Variants in HPS5 observed in about 807,000 individuals in gnomAD.
The protein encoded by HPS5 is HPS5 biogenesis of lysosomal organelles complex 2 subunit 2.
Under a neutral mutation model 128.0 loss-of-function variants are expected in HPS5, and 83 were observed. That is an observed-to-expected ratio of 0.65 (90% confidence interval 0.54 to 0.78). HPS5 has a LOEUF of 0.78. Among genes scored for constraint, HPS5 ranks in the 30% least tolerant of loss-of-function variants. The probability of loss-of-function intolerance (pLI) is 0.00; values close to 1 mark genes in which losing one functional copy is unlikely to be tolerated. For synonymous variants in HPS5, 475 were observed against 470.2 expected, an observed-to-expected ratio of 1.01 and a Z score of -0.13; for missense variants, 1,281 against 1,326.2, an observed-to-expected ratio of 0.97 and a Z score of 0.53.
At chr11:18,290,064 A>G (rs1173275900) in intron 16 of HPS5, among the ~76,000 whole-genome samples, 1 of 152,218 alleles carries the variant, frequency 6.6e-6, no homozygotes, top group African/African-American at 2.4e-5. Context: ...ATCAATGGAA[A>G]TGTACACAGA....
chr11:18,320,552 GCTGAAGGGAA>G (rs1864201875), intron 1 of HPS5, among the ~76,000 whole-genome samples: 1 of 152,218 alleles, frequency 6.6e-6, no homozygotes, highest in Non-Finnish European at 1.5e-5. Context: ...AGCTTCTACA[GCTGAAGGGAA>G]CAAGCTGTCT....
intron 1 of HPS5, 89 bp from the exon 2 acceptor site, chr11:18,317,996 T>C (rs1022916773): frequency 1.4e-5 from 13 of 960,846 alleles, no homozygotes; most frequent in Non-Finnish European, 2.1e-5. Context: ...TAGAGAAACA[T>C]GAGAAAGTCC....
intron 1 of HPS5, among the ~76,000 whole-genome samples, chr11:18,320,914 T>C (rs1864240060): frequency 1.3e-5 from 2 of 152,152 alleles, no homozygotes; most frequent in Non-Finnish European, 1.5e-5. Context: ...CCCAAAGAAA[T>C]TGTTTACATA....
intron 19 of HPS5, among the ~76,000 whole-genome samples, 178 bp from the exon 20 acceptor site, chr11:18,285,637 T>C (rs1859610449): frequency 6.6e-6 from 1 of 152,258 alleles, no homozygotes; most frequent in Non-Finnish European, 1.5e-5. Flanking sequence ...CTGTTTATTT[T>C]TAAAGATTAG....
rs544194045 is a variant in HPS5 at position 18,291,976 on chromosome 11, G to A, written c.1906C>T (p.Leu636=). Residue 636 remains leucine, a synonymous_variant, in exon 16 of 23, where the codon CTG becomes TTG. Transcript: ENST00000349215. ...AGCCACTCCTGTAAAACCATTCTCA[G>A]AGACTCGGATTCAAATAAAACCAGA... ...DPLVLFESES[L]RMVLQEWLSH... is the part of the protein sequence containing the mutation. 1.9e-5 allele frequency: 31 copies of A among 1,613,594 alleles called. No homozygotes were observed. In the East Asian group the frequency reaches 4.5e-4, roughly 23 times the overall value.
intron 16 of HPS5, among the ~76,000 whole-genome samples, chr11:18,288,672 G>A (rs1860027866): frequency 6.6e-6 from 1 of 152,072 alleles, no homozygotes; most frequent in African/African-American, 2.4e-5. Context: ...TTTAGAAACA[G>A]GGTCTCATTC....
intron 20 of HPS5, among the ~76,000 whole-genome samples, chr11:18,284,739 A>G (rs569416301): frequency 2.6e-5 from 4 of 152,360 alleles, no homozygotes; most frequent in African/African-American, 9.6e-5. Context: ...AGAAAGACAC[A>G]AGTTGCTATC....
chr11:18,280,721 A>G (rs1201227553), intron 22 of HPS5: 5 of 550,692 alleles, frequency 9.1e-6, no homozygotes, highest in Non-Finnish European at 1.6e-5. Flanking sequence ...TAGAAAGGAA[A>G]TCCTGACACA....
intron 8 of HPS5, among the ~76,000 whole-genome samples, chr11:18,303,928 AT>A (rs1862046507): frequency 1.3e-5 from 2 of 152,178 alleles, no homozygotes; most frequent in Non-Finnish European, 2.9e-5. Flanking sequence ...ACAAATATTT[AT>A]TAAGTATCTA....
At chr11:18,291,325 G>C in intron 16 of HPS5, 117 bp downstream of exon 16, 4 of 657,836 alleles carry the variant, frequency 6.1e-6, no homozygotes, top group South Asian at 5.9e-5. Flanking sequence ...AGAATAAAGG[G>C]TTGACCAGAA....
intron 16 of HPS5, among the ~76,000 whole-genome samples, chr11:18,289,911 G>A (rs1349329595): frequency 6.6e-6 from 1 of 152,214 alleles, no homozygotes; most frequent in Non-Finnish European, 1.5e-5. Flanking sequence ...CTTCCGCCAA[G>A]GTAGATACTG....
In HPS5 at chr11:18,285,436, C is replaced by A; in HGVS notation, c.2861G>T (p.Trp954Leu). 1 of 1,612,388 alleles carries A rather than the reference C, an allele frequency of 6.2e-7. No homozygotes were observed. The highest frequency in any genetic ancestry group is 8.5e-7 in the Non-Finnish European group (1 of 1,178,652). ...YPRPHSHLLS[W>L]GYSQLILHLI... ...ATGAAGGATCAGCTGACTGTAACCC[C>A]AGGAAAGCAAGTGTGAATGAGGCCT... The change falls in exon 20 of 23, where the codon TGG (tryptophan) becomes TTG (leucine). Residue 954 changes from tryptophan (W) to leucine (L), a missense_variant. By Grantham distance (61) the Trp-to-Leu change is moderately conservative. Transcript: ENST00000349215.
At chr11:18,319,888 GGACTGAA>G (rs1864112844) in intron 1 of HPS5, among the ~76,000 whole-genome samples, 1 of 152,018 alleles carries the variant, frequency 6.6e-6, no homozygotes, top group South Asian at 2.1e-4. Flanking sequence ...AGAACGAAAG[GGACTGAA>G]GATTCAAGAA....
At position 18,311,508 on chromosome 11, in the gene HPS5, A is replaced by ATTT. The variant is rs778669578; in HGVS notation, c.220-58_220-57insAAA. On this transcript the variant is annotated intron_variant, in intron 3 of 22. Transcript: ENST00000349215. Reference sequence around the variant, plus strand: ...TCTCAAGTTTTACATTATTATTATTATTATTTTTTTTTTTTTTTTTGAGAC... The same window carrying ATTT: ...TCTCAAGTTTTACATTATTATTATTATTTTTATTTTTTTTTTTTTTTTTGAGAC... 4.4e-3 allele frequency: 3,411 copies of ATTT among 777,780 alleles called. 5 individuals are homozygous for ATTT. The highest frequency in any genetic ancestry group is 0.013 in the East Asian group (383 of 28,374). 48.2% of individuals were successfully genotyped at this position (777,780 alleles called of 1,614,324 possible).
chr11:18,317,125 C>T (rs1477669851), intron 2 of HPS5, among the ~76,000 whole-genome samples: 3 of 150,482 alleles, frequency 2.0e-5, no homozygotes, highest in Non-Finnish European at 2.9e-5. Flanking sequence ...ACCCGGGAGG[C>T]GGAGCATGCA....
intron 15 of HPS5, 112 bp downstream of exon 15, chr11:18,292,787 T>A: frequency 1.2e-6 from 1 of 841,332 alleles, no homozygotes; most frequent in Non-Finnish European, 2.0e-6. Flanking sequence ...GCAACTTCTC[T>A]AATCAACTAT....
chr11:18,289,443 C>T (rs1045650559), intron 16 of HPS5, among the ~76,000 whole-genome samples: 2 of 152,152 alleles, frequency 1.3e-5, no homozygotes, highest in Admixed American at 6.6e-5. Flanking sequence ...TTCTGCTCTT[C>T]TGTGACTGGG....
intron 14 of HPS5, 76 bp downstream of exon 14, chr11:18,294,944 A>G: frequency 6.6e-6 from 10 of 1,510,110 alleles, no homozygotes; most frequent in Non-Finnish European, 9.2e-6. Flanking sequence ...AGGCTGCACA[A>G]GGTTGGTCTA....
intron 1 of HPS5, among the ~76,000 whole-genome samples, chr11:18,320,964 T>C (rs1365858297): frequency 6.6e-6 from 1 of 152,232 alleles, no homozygotes; most frequent in Non-Finnish European, 1.5e-5. Context: ...ACAGTAGAAC[T>C]GAGCTCAAAT....
Sources: allele counts gnomAD v4.1 joint callset (sites outside exome capture counted in the v4.1 genomes callset), GRCh38; gene constraint gnomAD v4.1.1; transcripts MANE v1.5; gene names NCBI Gene and HGNC (gene_info 2026-07-23, HGNC 2026-07-21).